EIF5B: variants seen among roughly 807,000 people sequenced by gnomAD.
The protein encoded by EIF5B is eukaryotic translation initiation factor 5B, also known as eIF-5B.
Under a neutral mutation model 147.5 loss-of-function variants are expected in EIF5B, and 47 were observed. The observed-to-expected ratio is 0.32, with a 90% CI of 0.25 to 0.41. The LOEUF is 0.41. Ranked by LOEUF, EIF5B falls within the 10% of genes least tolerant of loss-of-function variation. The pLI, the probability that EIF5B is intolerant of heterozygous loss-of-function variation, is 1.00. For missense variants in EIF5B, 1,064 were observed against 1,413.2 expected, an observed-to-expected ratio of 0.75 and a Z score of 3.96; for synonymous variants, 455 against 456.2, an observed-to-expected ratio of 1.00 and a Z score of 0.03.
intron 14 of EIF5B, 134 bp downstream of exon 14, chr2:99,383,055 T>C (rs1674725463): frequency 1.4e-6 from 1 of 715,606 alleles, no homozygotes. Context: ...TCACAGATAT[T>C]GTGTGTGTGT....
intron 1 of EIF5B, among the ~76,000 whole-genome samples, chr2:99,345,425 T>A (rs867077099): frequency 6.6e-6 from 1 of 151,974 alleles, no homozygotes. Flanking sequence ...AAACCCCGTC[T>A]CTACTAAAAA....
chr2:99,395,737 T>G (rs12233126), intron 21 of EIF5B, among the ~76,000 whole-genome samples: 1 of 152,006 alleles, frequency 6.6e-6, no homozygotes, highest in African/African-American at 2.4e-5. Flanking sequence ...GGACTGTGAT[T>G]AATGATGTGG....
intron 5 of EIF5B, among the ~76,000 whole-genome samples, 169 bp from the exon 6 acceptor site, chr2:99,364,102 T>C (rs1452029712): frequency 6.6e-6 from 1 of 152,238 alleles, no homozygotes; most frequent in Admixed American, 6.5e-5. Flanking sequence ...TCTGATGTGA[T>C]ATTAATTAAT....
In EIF5B at chr2:99,391,353, T is replaced by C. The variant is rs138720525; in HGVS notation, c.2748+648T>C. ...AAGAAAATCTGAGTATAAGTGGACATATGCAGTTCAAGCCCATTTTGTTCA... is the reference window on the plus strand; with the variant it reads ...AAGAAAATCTGAGTATAAGTGGACACATGCAGTTCAAGCCCATTTTGTTCA... On this transcript the variant is annotated intron_variant, in intron 17 of 23. Transcript: ENST00000289371. Among the ~76,000 whole-genome samples the C allele has an allele frequency of 3.1e-3, 478 of 152,290 alleles. 4 individuals are homozygous for C. Among genetic ancestry groups the C allele is most frequent in the African/African-American group, 0.011 (464 of 41,556 alleles).
In EIF5B at chr2:99,400,587, A is replaced by G. The variant is rs1256747321; in HGVS notation, c.*1173A>G. ...TCTTTTTTATCATCAAAGTTTCTCA[A>G]TGGCCAGTAGAAGCAAAAAGACAAC... On this transcript the variant is annotated 3_prime_UTR_variant, in exon 24 of 24. Transcript: ENST00000289371. The G allele has an allele frequency of 4.6e-5, 7 of 152,164 alleles. No homozygotes were observed. Among genetic ancestry groups the G allele is most frequent in the African/African-American group, 1.7e-4 (7 of 41,432 alleles). 9.4% of individuals were successfully genotyped at this position (152,164 alleles called of 1,614,324 possible).
chr2:99,342,731 A>C (rs938624316), intron 1 of EIF5B, among the ~76,000 whole-genome samples: 4 of 152,026 alleles, frequency 2.6e-5, no homozygotes, highest in African/African-American at 9.7e-5. Flanking sequence ...TCATGGACTC[A>C]AGCAGTCCTC....
chr2:99,378,003 G>A (rs542191263), intron 10 of EIF5B, among the ~76,000 whole-genome samples: 1 of 152,260 alleles, frequency 6.6e-6, no homozygotes, highest in East Asian at 1.9e-4. Flanking sequence ...GAGAGAGGCA[G>A]TTTTCAGCCA....
chr2:99,360,779 C>T (rs898908249), intron 3 of EIF5B, among the ~76,000 whole-genome samples: 21 of 152,168 alleles, frequency 1.4e-4, no homozygotes, highest in African/African-American at 4.6e-4. Context: ...TCACTCGTTC[C>T]ATCTTCAGTT....
rs778066236 is a variant in EIF5B, at chr2:99,398,445, C to T, written c.3394-303C>T. The stretch of plus-strand genomic sequence containing the variant: ...TTGTGCCTGCTGATCCCTCCTATTA[C>T]GGCACCTGTCACGTGAAATGGTAGA... On this transcript the variant is annotated intron_variant, in intron 22 of 23. Coordinates refer to ENST00000289371, the MANE Select transcript of EIF5B (RefSeq NM_015904.4). The T allele has an allele frequency of 3.0e-5, 7 of 232,350 alleles. No individual in the cohort carries two copies. The East Asian group carries it at 4.4e-4, about 15-fold the overall frequency. 14.4% of individuals were successfully genotyped at this position (232,350 alleles called of 1,614,324 possible). A position where few individuals can be genotyped will look rare whatever the true frequency, so the allele number is the denominator to read the frequency against.
chr2:99,338,236 A>G, intron 1 of EIF5B: 1 of 1,086,342 alleles, frequency 9.2e-7, no homozygotes, highest in Non-Finnish European at 1.2e-6. Flanking sequence ...AGAAGAAGAA[A>G]CCAACCAACC....
At chr2:99,377,683 A>G (rs1674591654) in intron 10 of EIF5B, among the ~76,000 whole-genome samples, 1 of 152,158 alleles carries the variant, frequency 6.6e-6, no homozygotes, top group Non-Finnish European at 1.5e-5. Context: ...TAGATTAGTT[A>G]ATGGTAGTGT....
chr2:99,398,651 G>C, intron 22 of EIF5B, 97 bp from the exon 23 acceptor site: 2 of 1,318,386 alleles, frequency 1.5e-6, no homozygotes, highest in Non-Finnish European at 2.1e-6. Context: ...TTTTAAAACA[G>C]GCTTTTGCTC....
In EIF5B at chr2:99,360,406, T is replaced by C. The variant is rs763184183; in HGVS notation, c.161+45T>C. The C allele has an allele frequency of 8.2e-6, 13 of 1,592,992 alleles. No homozygotes were observed. In the African/African-American group the frequency reaches 1.2e-4, roughly 15 times the overall value. ...ATTTGATTTTTATTTGTTTTGGTACTGGATTCACTTAATAAAAACTATACC... is the reference window on the plus strand; with the variant it reads ...ATTTGATTTTTATTTGTTTTGGTACCGGATTCACTTAATAAAAACTATACC... On this transcript the variant is annotated intron_variant, in intron 2 of 23. Coordinates refer to ENST00000289371, the MANE Select transcript of EIF5B (RefSeq NM_015904.4).
Position 99,361,134 on chromosome 2 carries a change from T to A in EIF5B, c.247-14T>A. On this transcript the variant is annotated splice_polypyrimidine_tract_variant and intron_variant, in intron 3 of 23. Transcript: ENST00000289371. ...TAATTCTGTTAATTTTTTCTAACAA[T>A]GGAAATTTTTTAGCCAACAGAAAAC... 6.8e-7 allele frequency: 1 copy of A among 1,471,754 alleles called. No individual in the cohort carries two copies. Among genetic ancestry groups the A allele is most frequent in the Non-Finnish European group, 9.0e-7 (1 of 1,113,764 alleles). 91.2% of individuals were successfully genotyped at this position (1,471,754 alleles called of 1,614,324 possible). A position where few individuals can be genotyped will look rare whatever the true frequency, so the allele number is the denominator to read the frequency against.
intron 14 of EIF5B, among the ~76,000 whole-genome samples, chr2:99,388,193 A>G (rs1446262591): frequency 6.6e-6 from 1 of 152,214 alleles, no homozygotes. Context: ...TTTGTAAATA[A>G]TGTGAGTTTT....
intron 12 of EIF5B, 90 bp from the exon 13 acceptor site, chr2:99,382,069 T>C: frequency 3.6e-6 from 4 of 1,101,194 alleles, no homozygotes; most frequent in Non-Finnish European, 5.4e-6. Context: ...GTAGTGATAC[T>C]TTCAGAGTTT....
At chr2:99,349,288 C>T (rs2094279266) in intron 1 of EIF5B, among the ~76,000 whole-genome samples, 1 of 152,222 alleles carries the variant, frequency 6.6e-6, no homozygotes, top group African/African-American at 2.4e-5. Context: ...GAGTCTTAGA[C>T]ATCTTGGAGA....
Position 99,363,625 on chromosome 2 carries a change from G to T in EIF5B, c.920-20G>T, listed in dbSNP as rs150512844. On this transcript the variant is annotated intron_variant, in intron 4 of 23. Transcript: ENST00000289371. ...AATTGTTTTTTCATTTCAATGCTTT[G>T]CCTTTATTCTTTTTGGTAGATGACA... The T allele has an allele frequency of 6.4e-7, 1 of 1,569,140 alleles. No individual in the cohort carries two copies. Among genetic ancestry groups the T allele is most frequent in the East Asian group, 2.2e-5 (1 of 44,670 alleles).
At chr2:99,368,315 T>C (rs1321461455) in intron 6 of EIF5B, among the ~76,000 whole-genome samples, 178 bp from the exon 7 acceptor site, 1 of 152,226 alleles carries the variant, frequency 6.6e-6, no homozygotes, top group Non-Finnish European at 1.5e-5. Flanking sequence ...ACGAGGATTT[T>C]TACTGTATGT....
Sources: allele counts gnomAD v4.1 joint callset (sites outside exome capture counted in the v4.1 genomes callset), GRCh38; gene constraint gnomAD v4.1.1; transcripts MANE v1.5; gene names NCBI Gene and HGNC (gene_info 2026-07-23, HGNC 2026-07-21).